SNX29: variants seen among roughly 807,000 people sequenced by gnomAD.
SNX29 encodes sorting nexin 29.
A neutral mutation model predicts 102.1 loss-of-function variants in SNX29; 78 were observed. The observed-to-expected ratio is 0.76, with a 90% CI of 0.64 to 0.92. SNX29 has a LOEUF of 0.92. SNX29 is among the 40% of genes least tolerant of loss of function. SNX29 has a pLI of 0.00. For synonymous variants in SNX29, 580 were observed against 414.5 expected (o/e 1.40, Z -4.85); for missense variants, 1,280 against 1,061.7 (o/e 1.21, Z -2.86).
At chr16:12,433,987 C>T (rs1485882660) in intron 18 of SNX29, among the ~76,000 whole-genome samples, 1 of 152,188 alleles carries the variant, frequency 6.6e-6, no homozygotes, top group Non-Finnish European at 1.5e-5. Flanking sequence ...CCCCTGCCCC[C>T]TGTTTTGAGG....
chr16:12,442,250 G>A (rs1342742049), intron 18 of SNX29, among the ~76,000 whole-genome samples: 1 of 152,098 alleles, frequency 6.6e-6, no homozygotes, highest in Non-Finnish European at 1.5e-5. Context: ...GTTTGTTTCT[G>A]GACTCTTGAC....
chr16:12,144,712 G>A (rs934905671), intron 13 of SNX29, among the ~76,000 whole-genome samples: 7 of 152,324 alleles, frequency 4.6e-5, no homozygotes, highest in African/African-American at 1.4e-4. Flanking sequence ...AGACTGAGAC[G>A]GCTTGCTTTG....
At chr16:12,378,367 A>C (rs1235517417) in intron 16 of SNX29, among the ~76,000 whole-genome samples, 1 of 152,116 alleles carries the variant, frequency 6.6e-6, no homozygotes, top group East Asian at 1.9e-4. Flanking sequence ...AAATAAATAG[A>C]GGCCAGGTGC....
At chr16:12,410,487 C>T (rs911288092) in intron 18 of SNX29, among the ~76,000 whole-genome samples, 1 of 152,320 alleles carries the variant, frequency 6.6e-6, no homozygotes, top group South Asian at 2.1e-4. Context: ...CGCTTTGTCA[C>T]TCAGGCTGGG....
At chr16:11,983,029 C>T (rs1402008633) in intron 1 of SNX29, among the ~76,000 whole-genome samples, 2 of 152,040 alleles carry the variant, frequency 1.3e-5, no homozygotes. Context: ...CTCCTGGGCT[C>T]CAGTGATTCT....
chr16:12,330,015 A>G (rs2081248807), intron 15 of SNX29, among the ~76,000 whole-genome samples: 1 of 152,228 alleles, frequency 6.6e-6, no homozygotes, highest in Non-Finnish European at 1.5e-5. Flanking sequence ...ACACTCCTCA[A>G]CATCTCTGAA....
At chr16:12,053,578 A>G (rs1207696514) in intron 8 of SNX29, among the ~76,000 whole-genome samples, 2 of 152,144 alleles carry the variant, frequency 1.3e-5, no homozygotes, top group African/African-American at 4.8e-5. Flanking sequence ...GTATCTTTCT[A>G]TCTGACCTAA....
chr16:12,412,153 G>A (rs900759442), intron 18 of SNX29, among the ~76,000 whole-genome samples: 1 of 152,208 alleles, frequency 6.6e-6, no homozygotes, highest in Non-Finnish European at 1.5e-5. Context: ...CGGGTAGGAC[G>A]CCCCAGCCTC....
chr16:12,400,317 A>C (rs2083889942), intron 17 of SNX29, among the ~76,000 whole-genome samples: 1 of 152,088 alleles, frequency 6.6e-6, no homozygotes, highest in Non-Finnish European at 1.5e-5. Flanking sequence ...CTCTCCCTTT[A>C]GGATTATTAT....
intron 15 of SNX29, among the ~76,000 whole-genome samples, chr16:12,284,523 G>GGCTT (rs2079532467): frequency 6.6e-6 from 1 of 152,226 alleles, no homozygotes; most frequent in Admixed American, 6.5e-5. Context: ...TTTGGTTCAG[G>GGCTT]GCTGGGTACA....
At chr16:12,280,278 G>A (rs1008698244) in intron 15 of SNX29, among the ~76,000 whole-genome samples, 2 of 152,194 alleles carry the variant, frequency 1.3e-5, no homozygotes, top group East Asian at 3.8e-4. Flanking sequence ...GTGATGCTGT[G>A]GCTGTGTCCT....
chr16:12,116,679 A>T (rs1478439510), intron 11 of SNX29, among the ~76,000 whole-genome samples: 1 of 152,218 alleles, frequency 6.6e-6, no homozygotes, highest in East Asian at 1.9e-4. Context: ...TTCTCAAAAA[A>T]AGAAGGAATG....
At chr16:12,438,312 C>G (rs1263309782) in intron 18 of SNX29, among the ~76,000 whole-genome samples, 1 of 152,186 alleles carries the variant, frequency 6.6e-6, no homozygotes, top group African/African-American at 2.4e-5. Flanking sequence ...GAAACTTTGA[C>G]CTAATTTGAG....
intron 14 of SNX29, among the ~76,000 whole-genome samples, chr16:12,203,253 G>T (rs2076959747): frequency 6.6e-6 from 1 of 151,526 alleles, no homozygotes; most frequent in Non-Finnish European, 1.5e-5. Context: ...TATTGGAGGT[G>T]ACATTTCTGA....
intron 18 of SNX29, among the ~76,000 whole-genome samples, chr16:12,406,413 A>G (rs2151524619): frequency 6.6e-6 from 1 of 152,348 alleles, no homozygotes; most frequent in Non-Finnish European, 1.5e-5. Context: ...CCCCATCTAC[A>G]TTCCCGTGAC....
chr16:12,037,717 C>T (rs549807023), intron 4 of SNX29, among the ~76,000 whole-genome samples: 6 of 151,130 alleles, frequency 4.0e-5, no homozygotes, highest in East Asian at 1.9e-4. Flanking sequence ...TTTGGGAGGC[C>T]GATGCTGGAT....
At chr16:12,539,064 G>A (rs2077206393) in intron 20 of SNX29, among the ~76,000 whole-genome samples, 3 of 152,100 alleles carry the variant, frequency 2.0e-5, no homozygotes, top group Admixed American at 2.0e-4. Context: ...GTGTATTCTG[G>A]GATAGGGCCA....
chr16:12,225,587 C>G (rs974512553), intron 14 of SNX29, among the ~76,000 whole-genome samples: 1 of 152,224 alleles, frequency 6.6e-6, no homozygotes, highest in Non-Finnish European at 1.5e-5. Flanking sequence ...AGACCTCTCT[C>G]TTTTGTAAGT....
At chr16:12,501,391 G>A (rs557881608) in intron 19 of SNX29, among the ~76,000 whole-genome samples, 32 of 151,404 alleles carry the variant, frequency 2.1e-4, no homozygotes, top group Non-Finnish European at 3.1e-4. Context: ...GTGACAGAGT[G>A]AAACGCTATC....
Sources: gnomAD v4.1 joint callset for allele counts (sites outside exome capture counted in the v4.1 genomes callset) on GRCh38, gnomAD v4.1.1 for gene constraint, MANE v1.5 for transcripts, NCBI Gene and HGNC (gene_info 2026-07-23, HGNC 2026-07-21) for gene names.